The following ASIC2 variants were observed in gnomAD, a reference collection of about 807,000 sequenced individuals.
ASIC2 encodes the protein acid sensing ion channel subunit 2, also known as acid-sensing ion channel 2.
Under a neutral mutation model 57.3 loss-of-function variants are expected in ASIC2, and 25 were observed. The observed-to-expected ratio is 0.44, with a 90% confidence interval of 0.32 to 0.61. The LOEUF (loss-of-function observed/expected upper bound fraction) is 0.61, where lower values mean the gene tolerates loss of function less well. Among genes scored for constraint, ASIC2 ranks in the 20% least tolerant of loss-of-function variants. The probability of loss-of-function intolerance (pLI) is 0.06; values close to 1 mark genes in which losing one functional copy is unlikely to be tolerated. For synonymous variants in ASIC2, 319 were observed against 307.5 expected (o/e 1.04, Z -0.39); for missense variants, 641 against 738.1 (o/e 0.87, Z 1.52).
At chr17:33,531,359 C>T (rs900248376) in intron 1 of ASIC2, among the ~76,000 whole-genome samples, 10 of 152,052 alleles carry the variant, frequency 6.6e-5, no homozygotes, top group Admixed American at 2.0e-4. Context: ...TTATCTGTAC[C>T]GACCTGACAT....
At chr17:33,974,612 C>CCATCCATG (rs1359100079) in intron 1 of ASIC2, among the ~76,000 whole-genome samples, 2 of 144,972 alleles carry the variant, frequency 1.4e-5, no homozygotes, top group Non-Finnish European at 3.0e-5. Flanking sequence ...ATCTATCCAT[C>CCATCCATG]CATCCATCCA....
intron 1 of ASIC2, among the ~76,000 whole-genome samples, chr17:33,934,686 C>T (rs972850800): frequency 1.3e-5 from 2 of 152,182 alleles, no homozygotes; most frequent in Non-Finnish European, 2.9e-5. Context: ...CTAGTGAAAC[C>T]CATTTGTCAT....
intron 1 of ASIC2, among the ~76,000 whole-genome samples, chr17:33,870,266 A>C (rs1340431883): frequency 1.0e-5 from 1 of 98,512 alleles, no homozygotes; most frequent in Non-Finnish European, 1.9e-5. Flanking sequence ...TAAGCACTTC[A>C]TCAAAGGCTC....
At chr17:33,632,334 A>G (rs1354839690) in intron 1 of ASIC2, among the ~76,000 whole-genome samples, 1 of 152,198 alleles carries the variant, frequency 6.6e-6, no homozygotes, top group Non-Finnish European at 1.5e-5. Flanking sequence ...ATAACGCTTA[A>G]GATTGTTGTT....
intron 3 of ASIC2, among the ~76,000 whole-genome samples, chr17:33,074,099 C>T (rs2092080030): frequency 6.6e-6 from 1 of 152,128 alleles, no homozygotes; most frequent in Non-Finnish European, 1.5e-5. Context: ...CTCCTTGTAT[C>T]CCCAGGAGCC....
intron 1 of ASIC2, among the ~76,000 whole-genome samples, chr17:33,823,884 T>C (rs1912826424): frequency 1.3e-5 from 2 of 152,252 alleles, no homozygotes; most frequent in Admixed American, 1.3e-4. Context: ...GTCTGATCTG[T>C]TGAGGCTGCT....
intron 1 of ASIC2, among the ~76,000 whole-genome samples, chr17:33,932,998 C>G (rs1915978200): frequency 6.6e-6 from 1 of 152,012 alleles, no homozygotes; most frequent in Non-Finnish European, 1.5e-5. Context: ...ATTTTGATTC[C>G]TTCTGATTCC....
At chr17:33,709,523 GC>G (rs1567695235) in intron 1 of ASIC2, among the ~76,000 whole-genome samples, 1 of 152,174 alleles carries the variant, frequency 6.6e-6, no homozygotes, top group Non-Finnish European at 1.5e-5. Flanking sequence ...CCAGAACAGG[GC>G]CCTCACTCAT....
chr17:33,859,597 G>T (rs764462058), intron 1 of ASIC2, among the ~76,000 whole-genome samples: 20 of 152,216 alleles, frequency 1.3e-4, no homozygotes, highest in Non-Finnish European at 1.5e-5. Flanking sequence ...AGAGTGAGTG[G>T]AGAAGGTATT....
chr17:33,631,494 T>C (rs1457752590), intron 1 of ASIC2, among the ~76,000 whole-genome samples: 1 of 152,104 alleles, frequency 6.6e-6, no homozygotes, highest in Non-Finnish European at 1.5e-5. Context: ...TGTCTGCTGG[T>C]TCTGTGACGT....
intron 1 of ASIC2, among the ~76,000 whole-genome samples, chr17:33,641,408 G>A (rs1409357011): frequency 6.6e-6 from 1 of 152,184 alleles, no homozygotes; most frequent in Non-Finnish European, 1.5e-5. Flanking sequence ...ACACACCCCT[G>A]AGTAATAATG....
intron 1 of ASIC2, among the ~76,000 whole-genome samples, chr17:33,362,192 T>C (rs963970680): frequency 2.0e-5 from 3 of 152,204 alleles, no homozygotes; most frequent in Admixed American, 2.0e-4. Context: ...TCTAGACCTC[T>C]TGGAGAATCT....
chr17:34,128,306 T>C (rs739761), intron 1 of ASIC2, among the ~76,000 whole-genome samples: 64,052 of 151,964 alleles, frequency 0.42, 14,665 homozygotes, highest in Middle Eastern at 0.54. Context: ...TTCAGCTCAC[T>C]GAATTCCCAG....
At chr17:33,126,343 A>T (rs2092323044) in intron 1 of ASIC2, among the ~76,000 whole-genome samples, 1 of 152,150 alleles carries the variant, frequency 6.6e-6, no homozygotes, top group Non-Finnish European at 1.5e-5. Context: ...GTGGATAATA[A>T]TCCTTCTCAG....
intron 2 of ASIC2, 53 bp from the exon 3 acceptor site, chr17:33,089,043 G>A (rs926872236): frequency 6.2e-7 from 1 of 1,606,030 alleles, no homozygotes; most frequent in Non-Finnish European, 8.5e-7. Context: ...AGATGCTCAT[G>A]GAGTCCTGGG....
At chr17:33,483,197 A>G (rs1428664211) in intron 1 of ASIC2, among the ~76,000 whole-genome samples, 4 of 152,174 alleles carry the variant, frequency 2.6e-5, no homozygotes, top group Non-Finnish European at 4.4e-5. Context: ...GATTAATAAA[A>G]CCAGCATCAC....
In ASIC2 at chr17:33,733,298, G is replaced by C. The variant is rs903123151; in HGVS notation, c.555+422680C>G. ...ATATTTGCCTTAGCCTTAGAGAGCT[G>C]TATTTGCACGGGTTCCTAATGGTAT... On this transcript the variant is annotated intron_variant, in intron 1 of 9. Coordinates refer to the ASIC2 transcript ENST00000359872. 8.5e-5 allele frequency among the ~76,000 whole-genome samples: 13 copies of C among 152,300 alleles called. No homozygotes were observed. In the South Asian group the frequency reaches 2.7e-3, roughly 32 times the overall value.
intron 1 of ASIC2, among the ~76,000 whole-genome samples, chr17:33,139,966 A>G (rs1040587598): frequency 1.3e-5 from 2 of 152,220 alleles, no homozygotes; most frequent in African/African-American, 4.8e-5. Context: ...GGGGTTGTAC[A>G]TGGATTCGTA....
chr17:33,180,581 C>G (rs1755618015), intron 1 of ASIC2, among the ~76,000 whole-genome samples: 1 of 152,138 alleles, frequency 6.6e-6, no homozygotes, highest in African/African-American at 2.4e-5. Flanking sequence ...ACCACCTTTC[C>G]ACCATCCCCC....
Sources: allele counts gnomAD v4.1 joint callset (sites outside exome capture counted in the v4.1 genomes callset), GRCh38; gene constraint gnomAD v4.1.1; transcripts MANE v1.5; gene names NCBI Gene and HGNC (gene_info 2026-07-23, HGNC 2026-07-21).